TFEC: variants seen among roughly 807,000 people sequenced by gnomAD.
TFEC encodes the protein class E basic helix-loop-helix protein 34.
In TFEC, 31 loss-of-function variants were observed where a neutral mutation model predicts 41.6. That is an observed-to-expected ratio of 0.74 (90% CI 0.56 to 1.01). The LOEUF (loss-of-function observed/expected upper bound fraction) is 1.01. Ranked by LOEUF, TFEC falls within the 50% of genes least tolerant of loss-of-function variation. The pLI is 0.00. For synonymous variants in TFEC, 143 were observed against 140.6 expected (o/e 1.02, Z -0.12); for missense variants, 402 against 404.1 (o/e 0.99, Z 0.04).
chr7:116,061,885 C>G (rs1327397522), intron 3 of TFEC, among the ~76,000 whole-genome samples: 1 of 152,076 alleles, frequency 6.6e-6, no homozygotes, highest in East Asian at 1.9e-4. Context: ...CTATGAGATA[C>G]AACTACACAC....
chr7:115,989,238 T>G (rs2007989), intron 1 of TFEC, among the ~76,000 whole-genome samples: 56,459 of 152,036 alleles, frequency 0.37, 11,296 homozygotes, highest in Non-Finnish European at 0.45. Flanking sequence ...TTCATTGATC[T>G]ACATTAATGT....
At chr7:115,950,970 T>A (rs1562883779) in intron 5 of TFEC, 21 bp from the exon 6 acceptor site, 3 of 1,452,872 alleles carry the variant, frequency 2.1e-6, no homozygotes, top group Non-Finnish European at 2.9e-6. Context: ...AGAAATATTA[T>A]TGATTATTCT....
At chr7:116,006,086 GTT>G (rs1363170737) in intron 1 of TFEC, among the ~76,000 whole-genome samples, 1 of 152,224 alleles carries the variant, frequency 6.6e-6, no homozygotes, top group Non-Finnish European at 1.5e-5. Flanking sequence ...CCAGGCAGAA[GTT>G]TGCTGCAGGG....
intron 1 of TFEC, among the ~76,000 whole-genome samples, chr7:115,997,013 C>A (rs1288261122): frequency 6.6e-6 from 1 of 152,190 alleles, no homozygotes; most frequent in African/African-American, 2.4e-5. Context: ...GATCTCATCA[C>A]CCTGAGGGTG....
intron 1 of TFEC, among the ~76,000 whole-genome samples, chr7:116,014,698 G>A (rs1393380711): frequency 6.6e-6 from 1 of 152,090 alleles, no homozygotes; most frequent in Non-Finnish European, 1.5e-5. Context: ...TTTTGTATGT[G>A]TTATTAAGTT....
chr7:115,994,418 C>T (rs970189121), intron 1 of TFEC, among the ~76,000 whole-genome samples: 7 of 152,164 alleles, frequency 4.6e-5, no homozygotes, highest in Admixed American at 3.9e-4. Context: ...AGTGAACAGG[C>T]AACCTACAGA....
At chr7:116,018,912 G>C (rs1259144419) in intron 1 of TFEC, among the ~76,000 whole-genome samples, 2 of 152,178 alleles carry the variant, frequency 1.3e-5, no homozygotes. Flanking sequence ...CAGCCTGGAG[G>C]CTGAGCTGAT....
At chr7:115,997,936 T>A (rs1191136039) in intron 1 of TFEC, among the ~76,000 whole-genome samples, 2 of 151,942 alleles carry the variant, frequency 1.3e-5, no homozygotes, top group East Asian at 3.9e-4. Context: ...TAAAAAAGAA[T>A]TAAGCATGCC....
At chr7:116,008,776 C>A (rs931595871) in intron 1 of TFEC, among the ~76,000 whole-genome samples, 2 of 152,144 alleles carry the variant, frequency 1.3e-5, no homozygotes, top group African/African-American at 4.8e-5. Context: ...TGAGATATAA[C>A]TACTGAACTA....
Position 115,940,893 on chromosome 7 carries a change from G to C in TFEC, c.702C>G (p.Thr234=), listed in dbSNP as rs772638175. The C allele has an allele frequency of 6.2e-7, 1 of 1,609,362 alleles. No individual in the cohort carries two copies. The highest frequency in any genetic ancestry group is 1.1e-5 in the South Asian group (1 of 90,602). Residue 234 remains threonine, a synonymous_variant, in exon 8 of 8, where the codon ACC becomes ACG. Coordinates refer to ENST00000265440, the MANE Select transcript of TFEC (RefSeq NM_012252.4). The part of the protein sequence containing the change: ...EIQARTHGLP[T]LASLGTVDLG... Reference sequence around the variant, plus strand: ...AATCAACCGTGCCAAGTGAAGCCAGGGTTGGCAGACCATGAGTACGAGCCT... The same window carrying C: ...AATCAACCGTGCCAAGTGAAGCCAGCGTTGGCAGACCATGAGTACGAGCCT...
intron 1 of TFEC, among the ~76,000 whole-genome samples, chr7:116,158,258 G>A (rs1212892008): frequency 6.6e-6 from 1 of 151,944 alleles, no homozygotes; most frequent in African/African-American, 2.4e-5. Flanking sequence ...CCATTTTCGA[G>A]CCTATAGAGT....
At chr7:116,093,054 T>C (rs1797365547) in intron 3 of TFEC, among the ~76,000 whole-genome samples, 1 of 152,200 alleles carries the variant, frequency 6.6e-6, no homozygotes, top group Admixed American at 6.5e-5. Flanking sequence ...CATTGTTTCA[T>C]TTATCCAACC....
At position 116,153,947 on chromosome 7, in the gene TFEC, G is replaced by T. The variant is rs1798816160; in HGVS notation, c.-69+5843C>A. 1.3e-5 allele frequency among the ~76,000 whole-genome samples: 2 copies of T among 152,172 alleles called. 1 individual carries two copies. The highest frequency in any genetic ancestry group is 1.3e-4 in the Admixed American group (2 of 15,280). On this transcript the variant is annotated intron_variant, in intron 1 of 8. Transcript: ENST00000484212. ...ATAGAAAAAGGAAGAAAACAGAAAA[G>T]TGTCCCCAGGTTTTAAAATCTCATG...
At chr7:115,943,867 T>TA (rs2130230314) in intron 6 of TFEC, among the ~76,000 whole-genome samples, 1 of 151,362 alleles carries the variant, frequency 6.6e-6, no homozygotes, top group African/African-American at 2.4e-5. Flanking sequence ...AATGTATAAA[T>TA]TGGAGTAAGG....
chr7:116,000,558 C>CA (rs759671903), intron 1 of TFEC, among the ~76,000 whole-genome samples: 3 of 151,958 alleles, frequency 2.0e-5, no homozygotes, highest in Non-Finnish European at 2.9e-5. Context: ...AGACTCCACA[C>CA]AAAAAAGCTA....
chr7:115,971,355 T>C (rs1793124520), intron 3 of TFEC, among the ~76,000 whole-genome samples: 1 of 151,864 alleles, frequency 6.6e-6, no homozygotes, highest in Non-Finnish European at 1.5e-5. Flanking sequence ...CCTGATATAA[T>C]TGGCTTATAA....
chr7:115,956,553 C>T, intron 4 of TFEC, 126 bp downstream of exon 4: 1 of 521,214 alleles, frequency 1.9e-6, no homozygotes, highest in Non-Finnish European at 3.3e-6. Context: ...GATGAATTTA[C>T]TGTCTGCCTT....
chr7:116,075,918 A>T (rs1192002030), intron 3 of TFEC, among the ~76,000 whole-genome samples: 3 of 152,192 alleles, frequency 2.0e-5, no homozygotes, highest in African/African-American at 7.2e-5. Flanking sequence ...GTAACACCAC[A>T]GCTAATGCGC....
In TFEC at chr7:116,134,369, T is replaced by C. The variant is rs367931515; in HGVS notation, c.-68-22331A>G. On this transcript the variant is annotated intron_variant, in intron 1 of 8. Coordinates refer to the TFEC transcript ENST00000484212. ...ATAAAAAGAAAGAGGGAAGGAAAAA[T>C]GTATACCATATATTGCTGCTTCTAA... Among the ~76,000 whole-genome samples the C allele has an allele frequency of 2.1e-4, 32 of 152,146 alleles. 1 individual carries two copies. The highest frequency in any genetic ancestry group is 7.0e-4 in the African/African-American group (29 of 41,514).
Sources: allele counts gnomAD v4.1 joint callset (sites outside exome capture counted in the v4.1 genomes callset), GRCh38; gene constraint gnomAD v4.1.1; transcripts MANE v1.5; gene names NCBI Gene and HGNC (gene_info 2026-07-23, HGNC 2026-07-21).